PCDHGA3: variants seen among roughly 807,000 people sequenced by gnomAD.
The protein encoded by PCDHGA3 is protocadherin gamma-A3.
In PCDHGA3, 40 loss-of-function variants were observed where a neutral mutation model predicts 58.5. The observed-to-expected ratio is 0.68, with a 90% confidence interval of 0.53 to 0.89. The LOEUF is 0.89. Ranked by LOEUF, PCDHGA3 falls within the 40% of genes least tolerant of loss-of-function variation. The pLI is 0.00. For missense variants in PCDHGA3, 1,223 were observed against 1,195.9 expected (o/e 1.02, Z -0.33); for synonymous variants, 530 against 525.7 (o/e 1.01, Z -0.11).
chr5:141,351,613 C>T (rs1302240583), intron 1 of PCDHGA3: 2 of 1,614,074 alleles, frequency 1.2e-6, no homozygotes, highest in Non-Finnish European at 1.7e-6. Flanking sequence ...TCCATCAGGC[C>T]TCCTATGTGG....
At chr5:141,470,682 T>C (rs2099236741) in intron 1 of PCDHGA3, among the ~76,000 whole-genome samples, 1 of 152,138 alleles carries the variant, frequency 6.6e-6, no homozygotes, top group Non-Finnish European at 1.5e-5. Flanking sequence ...TGTTACCATC[T>C]TGAAATTCTT....
chr5:141,463,532 T>C (rs1237301892), intron 1 of PCDHGA3, among the ~76,000 whole-genome samples: 2 of 133,692 alleles, frequency 1.5e-5, no homozygotes, highest in Non-Finnish European at 3.1e-5. Flanking sequence ...TACTAGAAAC[T>C]CCGGCTCCCG....
At chr5:141,366,868 T>C in intron 1 of PCDHGA3, 1 of 1,409,530 alleles carries the variant, frequency 7.1e-7, no homozygotes, top group Non-Finnish European at 9.5e-7. Flanking sequence ...ATTTGCTGTA[T>C]TGGAGATTAA....
intron 1 of PCDHGA3, chr5:141,350,867 A>G: frequency 2.5e-6 from 4 of 1,614,074 alleles, no homozygotes; most frequent in East Asian, 2.2e-5. Context: ...GGAACATCAG[A>G]GCTCTCATCG....
intron 1 of PCDHGA3, chr5:141,402,972 G>A (rs758148844): frequency 6.2e-7 from 1 of 1,608,316 alleles, no homozygotes; most frequent in Non-Finnish European, 8.5e-7. Context: ...CCAACCAAAT[G>A]CCAGCTCCGC....
intron 3 of PCDHGA3, among the ~76,000 whole-genome samples, chr5:141,509,064 C>T (rs890846779): frequency 6.6e-6 from 1 of 152,184 alleles, no homozygotes; most frequent in African/African-American, 2.4e-5. Flanking sequence ...AAGCTCTCAG[C>T]TCCGGGGATT....
intron 1 of PCDHGA3, among the ~76,000 whole-genome samples, chr5:141,446,128 G>A (rs1242643475): frequency 3.3e-5 from 5 of 152,188 alleles, no homozygotes; most frequent in Non-Finnish European, 7.3e-5. Flanking sequence ...GGTTCAATAA[G>A]ACTTAATAAT....
In PCDHGA3 at chr5:141,381,826, CTTTTTT is replaced by C. The variant is rs770630741; in HGVS notation, c.2424+35386_2424+35391del. 6.8e-3 allele frequency among the ~76,000 whole-genome samples: 507 copies of C among 74,296 alleles called. 2 individuals are homozygous for C. Among genetic ancestry groups the C allele is most frequent in the Non-Finnish European group, 8.2e-3 (349 of 42,396 alleles). 48.7% of individuals were successfully genotyped at this position (74,296 alleles called of 152,430 possible). On this transcript the variant is annotated intron_variant, in intron 1 of 3. Transcript: ENST00000253812. ...TTTCTTTCTTTCTTTCTTTCTTCTT[CTTTTTT>C]TTTTTTTTTTTTTTTTGGCAGAGTT... is the stretch of plus-strand genomic sequence containing the variant.
chr5:141,470,323 A>C (rs1029928511), intron 1 of PCDHGA3, among the ~76,000 whole-genome samples: 1 of 152,188 alleles, frequency 6.6e-6, no homozygotes, highest in African/African-American at 2.4e-5. Flanking sequence ...AAATGATCCC[A>C]TAATTTGACC....
intron 1 of PCDHGA3, chr5:141,410,847 G>GTTTTTT (rs773839667): frequency 6.3e-5 from 10 of 158,328 alleles, no homozygotes; most frequent in Admixed American, 1.8e-4. Flanking sequence ...TTTTGTCTTT[G>GTTTTTT]TCTTTTTTTT....
chr5:141,356,160 A>C, intron 1 of PCDHGA3: 1 of 1,613,338 alleles, frequency 6.2e-7, no homozygotes, highest in Non-Finnish European at 8.5e-7. Flanking sequence ...TAGATGTAGA[A>C]GCCCATGATG....
chr5:141,428,367 G>C, intron 1 of PCDHGA3: 1 of 546,792 alleles, frequency 1.8e-6, no homozygotes, highest in South Asian at 1.9e-5. Context: ...CGGTCGCCTT[G>C]CACCTGCGAT....
At chr5:141,405,352 T>C (rs747137239) in intron 1 of PCDHGA3, 12 of 1,614,170 alleles carry the variant, frequency 7.4e-6, no homozygotes, top group Middle Eastern at 1.6e-4. Flanking sequence ...CCAAGTTTCC[T>C]ATAGAAGACA....
chr5:141,465,125 G>A (rs1003967387), intron 1 of PCDHGA3, among the ~76,000 whole-genome samples: 1 of 151,194 alleles, frequency 6.6e-6, no homozygotes, highest in Non-Finnish European at 1.5e-5. Context: ...GCCTAAATTT[G>A]TAAAAAGTTT....
chr5:141,348,380 G>T (rs191012446), intron 1 of PCDHGA3, among the ~76,000 whole-genome samples: 1 of 152,050 alleles, frequency 6.6e-6, no homozygotes, highest in African/African-American at 2.4e-5. Flanking sequence ...ACCTACTTGG[G>T]CAACATAGCA....
intron 1 of PCDHGA3, among the ~76,000 whole-genome samples, chr5:141,368,620 T>A (rs1220390721): frequency 1.3e-5 from 2 of 152,198 alleles, no homozygotes; most frequent in Non-Finnish European, 2.9e-5. Context: ...TTTGGGTACA[T>A]TTCTTCTGAG....
intron 2 of PCDHGA3, among the ~76,000 whole-genome samples, chr5:141,497,865 A>G (rs1248242691): frequency 2.0e-5 from 3 of 152,168 alleles, no homozygotes; most frequent in Admixed American, 2.0e-4. Flanking sequence ...CAGCGGCTCC[A>G]AAGTGAAATA....
intron 1 of PCDHGA3, among the ~76,000 whole-genome samples, chr5:141,430,380 TG>T (rs1376875091): frequency 6.8e-6 from 1 of 147,890 alleles, no homozygotes; most frequent in Non-Finnish European, 1.5e-5. Flanking sequence ...AAAAGCTCAT[TG>T]GGAAAAAAAA....
At chr5:141,366,185 G>A in intron 1 of PCDHGA3, 1 of 1,614,010 alleles carries the variant, frequency 6.2e-7, no homozygotes, top group Admixed American at 1.7e-5. Flanking sequence ...ACTCTTTGCG[G>A]TTGGGCTGCA....
Sources: allele counts gnomAD v4.1 joint callset (sites outside exome capture counted in the v4.1 genomes callset), GRCh38; gene constraint gnomAD v4.1.1; transcripts MANE v1.5; gene names NCBI Gene and HGNC (gene_info 2026-07-23, HGNC 2026-07-21).